Variants in NPTN observed in about 807,000 individuals in gnomAD.
NPTN encodes the protein SDR-1.
NPTN carries 5 observed loss-of-function variants against 42.7 expected under a neutral mutation model. That is an observed-to-expected ratio of 0.12 (90% CI 0.06 to 0.25). The LOEUF is 0.25. NPTN is among the 10% of genes least tolerant of loss of function. The pLI is 1.00. For missense variants in NPTN, 307 were observed against 525.4 expected (o/e 0.58, Z 4.06); for synonymous variants, 180 against 201.9 (o/e 0.89, Z 0.92).
At chr15:73,627,969 G>A (rs562492320) in intron 1 of NPTN, among the ~76,000 whole-genome samples, 2 of 150,968 alleles carry the variant, frequency 1.3e-5, no homozygotes, top group African/African-American at 2.4e-5. Flanking sequence ...CTGTCTTCCC[G>A]AAGTTAATCC....
At chr15:73,581,576 C>A (rs1896046911) in intron 4 of NPTN, among the ~76,000 whole-genome samples, 1 of 152,188 alleles carries the variant, frequency 6.6e-6, no homozygotes, top group Non-Finnish European at 1.5e-5. Flanking sequence ...TGTTACCCAA[C>A]AGCACCTGAA....
At chr15:73,594,726 A>AC (rs1393764671) in intron 2 of NPTN, among the ~76,000 whole-genome samples, 1 of 152,130 alleles carries the variant, frequency 6.6e-6, no homozygotes, top group African/African-American at 2.4e-5. Context: ...TGGATAGGAG[A>AC]CCCTTACCCC....
chr15:73,630,857 T>G lies in NPTN; in HGVS notation c.91+2268A>C, dbSNP rs1446398977. On this transcript the variant is annotated intron_variant, in intron 1 of 8. Transcript: ENST00000345330. ...CCAGCTGAAAGCTTGAATATTATAATAAGACATGTTATATAGAAAGCTATA... is the reference window on the plus strand; with the variant it reads ...CCAGCTGAAAGCTTGAATATTATAAGAAGACATGTTATATAGAAAGCTATA... Among the ~76,000 whole-genome samples, 3 of 152,240 alleles carry G rather than the reference T, an allele frequency of 2.0e-5. No homozygotes were observed. The South Asian group carries it at 6.2e-4, about 31-fold the overall frequency.
chr15:73,560,609 C>T lies in NPTN; in HGVS notation c.*454G>A, dbSNP rs1894604572. The T allele has an allele frequency of 6.7e-6, 1 of 149,626 alleles. No individual in the cohort carries two copies. Among genetic ancestry groups the T allele is most frequent in the Non-Finnish European group, 1.5e-5 (1 of 67,488 alleles). The allele number at this position is 149,626 out of a possible 1,614,324, so 9.3% of individuals were successfully genotyped here. A position where few individuals can be genotyped will look rare whatever the true frequency, so the allele number is the denominator to read the frequency against. On this transcript the variant is annotated 3_prime_UTR_variant, in exon 9 of 9. Transcript: ENST00000345330. ...TTTACTTTATTTTGGATTTCTCCCACCCCCAAAAATATAAATATATATATA... is the reference window on the plus strand; with the variant it reads ...TTTACTTTATTTTGGATTTCTCCCATCCCCAAAAATATAAATATATATATA...
chr15:73,592,306 CAAT>C (rs2141400170), intron 2 of NPTN, among the ~76,000 whole-genome samples, 169 bp from the exon 3 acceptor site: 1 of 152,262 alleles, frequency 6.6e-6, no homozygotes, highest in East Asian at 1.9e-4. Flanking sequence ...AAAGGAAAAA[CAAT>C]GATTATAAGC....
At chr15:73,614,480 G>T (rs1897761991) in intron 1 of NPTN, among the ~76,000 whole-genome samples, 1 of 152,140 alleles carries the variant, frequency 6.6e-6, no homozygotes, top group South Asian at 2.1e-4. Flanking sequence ...CTATGTATTT[G>T]TAGATGTAAT....
intron 1 of NPTN, among the ~76,000 whole-genome samples, chr15:73,614,371 C>T (rs898021460): frequency 1.3e-5 from 2 of 152,170 alleles, no homozygotes; most frequent in Admixed American, 6.5e-5. Context: ...AATACATACA[C>T]ATATATTAAA....
At chr15:73,561,246 G>A (rs1187281281) in intron 8 of NPTN, among the ~76,000 whole-genome samples, 198 bp from the exon 9 acceptor site, 2 of 152,144 alleles carry the variant, frequency 1.3e-5, no homozygotes, top group East Asian at 3.9e-4. Flanking sequence ...CCAGACGTGA[G>A]GTAAGACTAG....
chr15:73,578,007 G>C lies in NPTN; in HGVS notation c.707-4212C>G, dbSNP rs183053514. On this transcript the variant is annotated intron_variant, in intron 4 of 8. Coordinates refer to ENST00000345330, the MANE Select transcript of NPTN (RefSeq NM_012428.4). ...AGTAGGTCACACATATCTGTAGGAA[G>C]AACACTCTAGGTCGAGGGAAATGCA... 2.6e-3 allele frequency among the ~76,000 whole-genome samples: 402 copies of C among 152,324 alleles called. 1 individual carries two copies. The highest frequency in any genetic ancestry group is 4.8e-3 in the Non-Finnish European group (326 of 68,024).
chr15:73,570,149 C>A lies in NPTN; in HGVS notation c.1114+1G>T. 6.2e-7 allele frequency: 1 copy of A among 1,601,128 alleles called. No individual in the cohort carries two copies. Among genetic ancestry groups the A allele is most frequent in the Non-Finnish European group, 8.5e-7 (1 of 1,171,506 alleles). On this transcript the variant is annotated splice_donor_variant, in intron 6 of 8. Transcript: ENST00000345330. LOFTEE classifies it high-confidence loss of function. The surrounding 1 kb of genome is among the most constrained non-coding windows in gnomAD (Gnocchi z 4.0). ...CAGCTATTTTGTAGGGATGCTCTTA[C>A]CGTCAGGAACCTCATCTGGCCTCTT...
At chr15:73,604,381 A>C (rs1393211884) in intron 1 of NPTN, among the ~76,000 whole-genome samples, 1 of 152,182 alleles carries the variant, frequency 6.6e-6, no homozygotes, top group Non-Finnish European at 1.5e-5. Context: ...ACCTGAGTCC[A>C]GGAAGTTGAG....
chr15:73,606,641 T>A (rs1009768209), intron 1 of NPTN, among the ~76,000 whole-genome samples: 10 of 152,108 alleles, frequency 6.6e-5, no homozygotes, highest in African/African-American at 2.4e-4. Context: ...TAGAACTACA[T>A]CCAAAATGGA....
intron 1 of NPTN, among the ~76,000 whole-genome samples, chr15:73,618,863 G>C (rs1897987772): frequency 6.6e-6 from 1 of 151,688 alleles, no homozygotes; most frequent in South Asian, 2.1e-4. Context: ...ACACCTCCCT[G>C]GGCAACAGAG....
At chr15:73,608,148 A>G (rs1337847196) in intron 1 of NPTN, among the ~76,000 whole-genome samples, 1 of 152,206 alleles carries the variant, frequency 6.6e-6, no homozygotes, top group Non-Finnish European at 1.5e-5. Context: ...TCAGTTTTCC[A>G]GTGTATACAC....
intron 1 of NPTN, among the ~76,000 whole-genome samples, chr15:73,630,391 T>C (rs967964579): frequency 3.9e-5 from 6 of 152,274 alleles, no homozygotes; most frequent in Non-Finnish European, 8.8e-5. Flanking sequence ...GGTTACTTTT[T>C]AGAACAAGTT....
At chr15:73,626,530 A>C (rs1898421458) in intron 1 of NPTN, among the ~76,000 whole-genome samples, 1 of 152,234 alleles carries the variant, frequency 6.6e-6, no homozygotes, top group African/African-American at 2.4e-5. Context: ...GGAAATTTAG[A>C]CATCATCTAG....
At chr15:73,567,449 C>A (rs541270807) in intron 6 of NPTN, 1 of 985,152 alleles carries the variant, frequency 1.0e-6, no homozygotes, top group East Asian at 1.1e-4. Context: ...TGTACCTCTT[C>A]GTTTATTCCA....
intron 4 of NPTN, among the ~76,000 whole-genome samples, chr15:73,587,183 T>C (rs1896358875): frequency 6.6e-6 from 1 of 152,182 alleles, no homozygotes; most frequent in South Asian, 2.1e-4. Flanking sequence ...CATTCAAACA[T>C]TTTTGACATA....
intron 6 of NPTN, among the ~76,000 whole-genome samples, chr15:73,564,652 G>A (rs947915651): frequency 2.0e-5 from 3 of 152,138 alleles, no homozygotes; most frequent in African/African-American, 4.8e-5. Context: ...TGTGTATGCA[G>A]TGGAGAGATA....
Sources: allele counts gnomAD v4.1 joint callset (sites outside exome capture counted in the v4.1 genomes callset), GRCh38; gene constraint gnomAD v4.1.1; non-coding constraint Gnocchi (gnomAD v3.1); transcripts MANE v1.5; gene names NCBI Gene and HGNC (gene_info 2026-07-23, HGNC 2026-07-21).